The following TMEM132D variants were observed in gnomAD, a reference collection of about 807,000 sequenced individuals.
The protein encoded by TMEM132D is transmembrane protein 132D, also known as mature OL transmembrane protein.
A neutral mutation model predicts 62.3 loss-of-function variants in TMEM132D; 21 were observed. The observed-to-expected ratio is 0.34, with a 90% CI of 0.24 to 0.49. The LOEUF (loss-of-function observed/expected upper bound fraction) is 0.49. TMEM132D is among the 20% of genes least tolerant of loss of function. The pLI is 0.99. For synonymous variants in TMEM132D, 621 were observed against 575.6 expected, an observed-to-expected ratio of 1.08 and a Z score of -1.13; for missense variants, 1,346 against 1,402.8, an observed-to-expected ratio of 0.96 and a Z score of 0.65.
rs1870615016 is a variant in TMEM132D, at chr12:129,371,907, T to C, written c.1116-34090A>G. Among the ~76,000 whole-genome samples, 1 of 152,204 alleles carries C rather than the reference T, an allele frequency of 6.6e-6. No individual in the cohort carries two copies. Among genetic ancestry groups the C allele is most frequent in the Non-Finnish European group, 1.5e-5 (1 of 68,042 alleles). On this transcript the variant is annotated intron_variant, in intron 3 of 8. Coordinates refer to ENST00000422113, the MANE Select transcript of TMEM132D (RefSeq NM_133448.3). The surrounding 1 kb of genome is among the most constrained non-coding windows in gnomAD (Gnocchi z 4.3). Reference sequence around the variant, plus strand: ...AATAAGATATATGCTACAGCCCAGATCCTGAGATGCCAGCATTCTTGTTGT... The same window carrying C: ...AATAAGATATATGCTACAGCCCAGACCCTGAGATGCCAGCATTCTTGTTGT...
Position 129,445,414 on chromosome 12 carries a change from A to G in TMEM132D, c.1115+85645T>C, listed in dbSNP as rs906199005. 2.6e-5 allele frequency among the ~76,000 whole-genome samples: 4 copies of G among 152,112 alleles called. No individual in the cohort carries two copies. In the South Asian group the frequency reaches 8.3e-4, roughly 32 times the overall value. On this transcript the variant is annotated intron_variant, in intron 3 of 8. Coordinates refer to ENST00000422113, the MANE Select transcript of TMEM132D (RefSeq NM_133448.3). ...TCTCCACAACAAACCCCCAAGATACAAGTTTACCTATCCTGCACATGTACC... is the reference window on the plus strand; with the variant it reads ...TCTCCACAACAAACCCCCAAGATACGAGTTTACCTATCCTGCACATGTACC...
chr12:129,252,187 C>T (rs7954342), intron 4 of TMEM132D, among the ~76,000 whole-genome samples: 18 of 152,184 alleles, frequency 1.2e-4, no homozygotes, highest in African/African-American at 3.4e-4. Flanking sequence ...CTTAGAAATG[C>T]AGGATTGTTT....
chr12:129,355,563 G>A (rs184758467), intron 3 of TMEM132D, among the ~76,000 whole-genome samples: 29 of 152,228 alleles, frequency 1.9e-4, no homozygotes, highest in Non-Finnish European at 3.4e-4. Context: ...GTATCTGAAC[G>A]ACCCTTTCCT....
chr12:129,892,873 CTGTTTGTT>C (rs760103290), intron 1 of TMEM132D, among the ~76,000 whole-genome samples: 28 of 151,982 alleles, frequency 1.8e-4, no homozygotes, highest in Middle Eastern at 3.4e-3. Context: ...TTTAAGGACT[CTGTTTGTT>C]TGTTTGTTTG....
chr12:129,812,498 C>A (rs924477924), intron 1 of TMEM132D, among the ~76,000 whole-genome samples: 1 of 151,802 alleles, frequency 6.6e-6, no homozygotes, highest in Admixed American at 6.6e-5. Context: ...CTCTAAGAAT[C>A]GTCTCCAGAA....
intron 2 of TMEM132D, among the ~76,000 whole-genome samples, chr12:129,543,569 A>G (rs1166398568): frequency 6.6e-6 from 1 of 152,206 alleles, no homozygotes; most frequent in African/African-American, 2.4e-5. Flanking sequence ...TGCTTCTATT[A>G]GCCTAAAGTT....
At chr12:129,823,158 G>A (rs1304367767) in intron 1 of TMEM132D, among the ~76,000 whole-genome samples, 1 of 152,182 alleles carries the variant, frequency 6.6e-6, no homozygotes, top group East Asian at 1.9e-4. Flanking sequence ...CTTCTACCAT[G>A]ATTGGAAGCT....
chr12:129,412,507 G>A (rs1292436197), intron 3 of TMEM132D, among the ~76,000 whole-genome samples: 1 of 73,776 alleles, frequency 1.4e-5, no homozygotes, highest in Non-Finnish European at 3.1e-5. Context: ...CCTGCTATAA[G>A]TGCCACCCCT....
intron 5 of TMEM132D, among the ~76,000 whole-genome samples, chr12:129,130,665 A>G (rs1300550010): frequency 1.3e-5 from 2 of 152,172 alleles, no homozygotes; most frequent in African/African-American, 4.8e-5. Context: ...AGTGGGACAC[A>G]CTATTGAGAA....
chr12:129,379,460 C>T (rs751554736), intron 3 of TMEM132D, among the ~76,000 whole-genome samples: 7 of 152,168 alleles, frequency 4.6e-5, no homozygotes, highest in Admixed American at 1.3e-4. Flanking sequence ...GAGAATTAAG[C>T]GTAAAACCTA....
At chr12:129,116,961 G>C (rs1176301564) in intron 5 of TMEM132D, among the ~76,000 whole-genome samples, 1 of 131,624 alleles carries the variant, frequency 7.6e-6, no homozygotes, top group Non-Finnish European at 1.6e-5. Context: ...GTACGTGAAT[G>C]TTTAGAGCAG....
In TMEM132D at chr12:129,163,687, C is replaced by T. The variant is rs1055682991; in HGVS notation, c.1443+45833G>A. Among the ~76,000 whole-genome samples, 11 of 152,362 alleles carry T rather than the reference C, an allele frequency of 7.2e-5. 1 individual carries two copies. In the South Asian group the frequency reaches 8.3e-4, roughly 11 times the overall value. On this transcript the variant is annotated intron_variant, in intron 5 of 8. Transcript: ENST00000422113. ...CACCAACTCCCGCTCCCTGCCCCTC[C>T]GGGCCTTGGGGTGTTAATGGCTTCC...
At chr12:129,118,171 C>T (rs1456793360) in intron 5 of TMEM132D, among the ~76,000 whole-genome samples, 3 of 152,194 alleles carry the variant, frequency 2.0e-5, no homozygotes, top group Non-Finnish European at 4.4e-5. Context: ...AAATTCTTCT[C>T]AATAAGTTTC....
intron 5 of TMEM132D, among the ~76,000 whole-genome samples, chr12:129,143,670 T>C (rs1465052027): frequency 2.0e-5 from 3 of 152,092 alleles, no homozygotes; most frequent in Non-Finnish European, 4.4e-5. Context: ...AATACATGTA[T>C]GGGAAACTGA....
chr12:129,768,060 A>G (rs1870611212), intron 1 of TMEM132D, among the ~76,000 whole-genome samples: 1 of 152,104 alleles, frequency 6.6e-6, no homozygotes, highest in Non-Finnish European at 1.5e-5. Context: ...ACCATGATTC[A>G]GTTACCTCCT....
At chr12:129,261,559 C>G (rs955395137) in intron 4 of TMEM132D, among the ~76,000 whole-genome samples, 3 of 152,142 alleles carry the variant, frequency 2.0e-5, no homozygotes, top group Admixed American at 6.6e-5. Context: ...TTCTTTACAG[C>G]AGTATGAAAA....
At chr12:129,123,074 A>C (rs1876112376) in intron 5 of TMEM132D, among the ~76,000 whole-genome samples, 1 of 152,224 alleles carries the variant, frequency 6.6e-6, no homozygotes, top group African/African-American at 2.4e-5. Flanking sequence ...TATAAAGCAG[A>C]AAGGAACTTT....
intron 3 of TMEM132D, among the ~76,000 whole-genome samples, chr12:129,512,496 C>T (rs886143309): frequency 6.6e-6 from 1 of 152,188 alleles, no homozygotes; most frequent in African/African-American, 2.4e-5. Flanking sequence ...TTGGTGACAT[C>T]TTCTAAGTCA....
At chr12:129,658,332 C>T (rs1880148871) in intron 2 of TMEM132D, among the ~76,000 whole-genome samples, 2 of 152,190 alleles carry the variant, frequency 1.3e-5, no homozygotes, top group Non-Finnish European at 2.9e-5. Context: ...ATTTCTCCTA[C>T]AAAGCTTCAA....
Sources: gnomAD v4.1 joint callset for allele counts (sites outside exome capture counted in the v4.1 genomes callset) on GRCh38, gnomAD v4.1.1 for gene constraint, Gnocchi (gnomAD v3.1) non-coding constraint, MANE v1.5 for transcripts, NCBI Gene and HGNC (gene_info 2026-07-23, HGNC 2026-07-21) for gene names.